Variants in FAM168A observed in about 807,000 individuals in gnomAD.
FAM168A encodes family with sequence similarity 168 member A, also known as protein FAM168A.
In FAM168A, 3 loss-of-function variants were observed where a neutral mutation model predicts 28.5. The ratio of observed to expected loss-of-function variants is 0.11; its 90% CI spans 0.05 to 0.27. The LOEUF (loss-of-function observed/expected upper bound fraction) is 0.27. Ranked by LOEUF, FAM168A falls within the 10% of genes least tolerant of loss-of-function variation. The probability of loss-of-function intolerance (pLI) is 1.00; values close to 1 mark genes in which losing one functional copy is unlikely to be tolerated. For synonymous variants in FAM168A, 122 were observed against 124.2 expected, an observed-to-expected ratio of 0.98 and a Z score of 0.12; for missense variants, 222 against 311.5, an observed-to-expected ratio of 0.71 and a Z score of 2.16.
chr11:73,477,946 T>C (rs1474858899), intron 1 of FAM168A, among the ~76,000 whole-genome samples: 1 of 150,974 alleles, frequency 6.6e-6, no homozygotes, highest in South Asian at 2.1e-4. Context: ...GATAGATAGA[T>C]AGATAGATAG....
intron 1 of FAM168A, among the ~76,000 whole-genome samples, chr11:73,559,760 A>G (rs1359950237): frequency 6.6e-6 from 1 of 152,204 alleles, no homozygotes; most frequent in Non-Finnish European, 1.5e-5. Context: ...TAAATTGTTC[A>G]CTTTAAAGTG....
chr11:73,545,753 G>A (rs551947949), intron 1 of FAM168A, among the ~76,000 whole-genome samples: 7 of 142,668 alleles, frequency 4.9e-5, no homozygotes, highest in Admixed American at 1.4e-4. Context: ...GCAGTGGTGC[G>A]ATCACGGCTG....
At chr11:73,472,622 A>C (rs1453871402) in intron 1 of FAM168A, among the ~76,000 whole-genome samples, 1 of 152,230 alleles carries the variant, frequency 6.6e-6, no homozygotes, top group Non-Finnish European at 1.5e-5. Context: ...CAAGAAGAGT[A>C]GTAGGGCAAT....
chr11:73,528,177 T>C (rs1025731132), intron 1 of FAM168A, among the ~76,000 whole-genome samples: 10 of 152,200 alleles, frequency 6.6e-5, no homozygotes, highest in African/African-American at 2.2e-4. Context: ...TCCCAGGCCA[T>C]GTGCAATACT....
intron 5 of FAM168A, 32 bp downstream of exon 5, chr11:73,411,362 C>T: frequency 6.4e-7 from 1 of 1,556,568 alleles, no homozygotes; most frequent in South Asian, 1.2e-5. Flanking sequence ...GCTCCTCTAC[C>T]TGCAGAAGAG....
intron 1 of FAM168A, among the ~76,000 whole-genome samples, chr11:73,512,164 T>G (rs1381984535): frequency 6.6e-6 from 1 of 152,166 alleles, no homozygotes; most frequent in Non-Finnish European, 1.5e-5. Context: ...CACAATAATA[T>G]TGAACATAAT....
At chr11:73,567,999 C>G (rs1053291377) in intron 1 of FAM168A, among the ~76,000 whole-genome samples, 1 of 152,122 alleles carries the variant, frequency 6.6e-6, no homozygotes, top group Non-Finnish European at 1.5e-5. Context: ...AGCAGCTACC[C>G]TGTACTCTAA....
chr11:73,513,337 G>A (rs959740038), intron 1 of FAM168A, among the ~76,000 whole-genome samples: 5 of 150,398 alleles, frequency 3.3e-5, no homozygotes, highest in South Asian at 4.2e-4. Flanking sequence ...AGCCTCCCGA[G>A]TAGCTGGGAC....
At chr11:73,478,201 T>C (rs1257449261) in intron 1 of FAM168A, among the ~76,000 whole-genome samples, 1 of 152,204 alleles carries the variant, frequency 6.6e-6, no homozygotes, top group Admixed American at 6.5e-5. Context: ...CAATAAGTTA[T>C]AATAAATTAA....
chr11:73,546,852 A>C (rs1482022632), intron 1 of FAM168A, among the ~76,000 whole-genome samples: 2 of 152,176 alleles, frequency 1.3e-5, no homozygotes, highest in Non-Finnish European at 2.9e-5. Flanking sequence ...AATTAAAAGA[A>C]TTTTATTACA....
At chr11:73,445,449 T>TTTTG (rs1647018835) in intron 2 of FAM168A, among the ~76,000 whole-genome samples, 1 of 104,110 alleles carries the variant, frequency 9.6e-6, no homozygotes, top group Admixed American at 1.1e-4. Flanking sequence ...TTTTTTTTTT[T>TTTTG]GGTAGAGACA....
chr11:73,522,878 T>TGGC (rs937703847), intron 1 of FAM168A, among the ~76,000 whole-genome samples: 6 of 151,752 alleles, frequency 4.0e-5, no homozygotes, highest in African/African-American at 1.5e-4. Context: ...CCAGGCATAG[T>TGGC]GGCGGGCATC....
intron 2 of FAM168A, among the ~76,000 whole-genome samples, chr11:73,437,400 CTT>C (rs747204512): frequency 2.6e-4 from 27 of 103,522 alleles, no homozygotes; most frequent in Middle Eastern, 5.8e-3. Context: ...CCCGGCCACT[CTT>C]TTTTTTTTTT....
chr11:73,588,674 T>G (rs1002321569), intron 1 of FAM168A, among the ~76,000 whole-genome samples: 4 of 152,272 alleles, frequency 2.6e-5, no homozygotes, highest in Admixed American at 2.0e-4. Context: ...CACTCCAGTG[T>G]GAAACCCGGT....
chr11:73,438,181 G>A (rs1227418639), intron 2 of FAM168A, among the ~76,000 whole-genome samples: 3 of 152,080 alleles, frequency 2.0e-5, no homozygotes, highest in Admixed American at 6.5e-5. Context: ...GGCAAGCAGG[G>A]TGCTAGGTTC....
chr11:73,575,884 GACATAAT>G (rs1478199538), intron 1 of FAM168A, among the ~76,000 whole-genome samples: 1 of 151,458 alleles, frequency 6.6e-6, no homozygotes, highest in East Asian at 1.9e-4. Flanking sequence ...AAAAAAATTA[GACATAAT>G]GTAAGTAAAA....
intron 1 of FAM168A, among the ~76,000 whole-genome samples, chr11:73,515,469 T>C (rs565478812): frequency 6.0e-4 from 89 of 148,816 alleles, no homozygotes; most frequent in African/African-American, 4.8e-4. Context: ...GATTGTGCCA[T>C]TGCACTCTAG....
At chr11:73,501,792 C>T (rs1855013946) in intron 1 of FAM168A, among the ~76,000 whole-genome samples, 1 of 152,016 alleles carries the variant, frequency 6.6e-6, no homozygotes, top group African/African-American at 2.4e-5. Flanking sequence ...AGAGAGGCAA[C>T]AGCAAACTAA....
intron 1 of FAM168A, among the ~76,000 whole-genome samples, chr11:73,535,847 C>T (rs1278799572): frequency 6.6e-6 from 1 of 150,884 alleles, no homozygotes; most frequent in Admixed American, 6.6e-5. Context: ...AGGTGTGAGC[C>T]ACCACATCTG....
Sources: allele counts gnomAD v4.1 joint callset (sites outside exome capture counted in the v4.1 genomes callset), GRCh38; gene constraint gnomAD v4.1.1; transcripts MANE v1.5; gene names NCBI Gene and HGNC (gene_info 2026-07-23, HGNC 2026-07-21).